TAFA1: variants seen among roughly 807,000 people sequenced by gnomAD.
TAFA1 encodes the protein chemokine-like protein TAFA-1.
In TAFA1, 4 loss-of-function variants were observed where a neutral mutation model predicts 18.5. The ratio of observed to expected loss-of-function variants is 0.22; its 90% confidence interval spans 0.11 to 0.49. The LOEUF (loss-of-function observed/expected upper bound fraction) is 0.49. Among genes scored for constraint, TAFA1 ranks in the 20% least tolerant of loss-of-function variants. The pLI is 0.98. For missense variants in TAFA1, 147 were observed against 169.0 expected, an observed-to-expected ratio of 0.87 and a Z score of 0.72; for synonymous variants, 56 against 55.2, an observed-to-expected ratio of 1.01 and a Z score of -0.06.
At chr3:68,009,110 A>G (rs190997732) in intron 2 of TAFA1, among the ~76,000 whole-genome samples, 1 of 152,338 alleles carries the variant, frequency 6.6e-6, no homozygotes, top group Admixed American at 6.5e-5. Context: ...CACATAGCCA[A>G]GGCAACAACT....
intron 2 of TAFA1, among the ~76,000 whole-genome samples, chr3:68,106,643 G>C (rs1166612781): frequency 6.6e-6 from 1 of 152,094 alleles, no homozygotes; most frequent in East Asian, 1.9e-4. Flanking sequence ...TGTTAAGAAA[G>C]TGAAAAGGCA....
chr3:68,261,848 A>G (rs545316028), intron 2 of TAFA1, among the ~76,000 whole-genome samples: 19 of 152,172 alleles, frequency 1.2e-4, no homozygotes, highest in African/African-American at 4.3e-4. Context: ...GCACACCAAC[A>G]TGGCACACGT....
chr3:68,189,261 T>C (rs973067560), intron 2 of TAFA1, among the ~76,000 whole-genome samples: 2 of 151,952 alleles, frequency 1.3e-5, no homozygotes, highest in Non-Finnish European at 2.9e-5. Flanking sequence ...CTTGGCTGTT[T>C]CCATTCAGTA....
intron 2 of TAFA1, among the ~76,000 whole-genome samples, chr3:68,025,025 C>A (rs1704784870): frequency 6.6e-6 from 1 of 152,082 alleles, no homozygotes; most frequent in Admixed American, 6.6e-5. Context: ...TTGGGGATGA[C>A]TCCTTTCTCT....
intron 2 of TAFA1, among the ~76,000 whole-genome samples, chr3:68,159,029 A>G (rs1453184199): frequency 6.6e-6 from 1 of 152,226 alleles, no homozygotes; most frequent in Non-Finnish European, 1.5e-5. Context: ...CAACCACATT[A>G]CAAGCATTGT....
chr3:68,378,343 C>A, intron 2 of TAFA1, among the ~76,000 whole-genome samples: 1 of 152,188 alleles, frequency 6.6e-6, no homozygotes, highest in East Asian at 1.9e-4. Flanking sequence ...TTAATGACTG[C>A]CCTGCTGGAT....
At chr3:68,037,152 A>G (rs374335297) in intron 2 of TAFA1, among the ~76,000 whole-genome samples, 2 of 152,262 alleles carry the variant, frequency 1.3e-5, no homozygotes, top group Non-Finnish European at 1.5e-5. Context: ...ACTTGTTTCC[A>G]GGCAGAGAAG....
chr3:68,172,227 C>T (rs994083449), intron 2 of TAFA1, among the ~76,000 whole-genome samples: 1 of 152,112 alleles, frequency 6.6e-6, no homozygotes, highest in African/African-American at 2.4e-5. Context: ...TTATCACATG[C>T]AAAGGCTCCC....
chr3:68,061,401 G>A (rs901316932), intron 2 of TAFA1, among the ~76,000 whole-genome samples: 4 of 152,180 alleles, frequency 2.6e-5, no homozygotes, highest in African/African-American at 9.7e-5. Flanking sequence ...GAGAAGTCCT[G>A]AGAAAGGAGA....
At chr3:68,462,405 C>T (rs532993702) in intron 3 of TAFA1, among the ~76,000 whole-genome samples, 58 of 152,142 alleles carry the variant, frequency 3.8e-4, no homozygotes, top group African/African-American at 1.4e-3. Flanking sequence ...AGTTCCTCTG[C>T]ACATGCCCTC....
chr3:68,337,631 C>T (rs1189044386), intron 2 of TAFA1, among the ~76,000 whole-genome samples: 2 of 152,168 alleles, frequency 1.3e-5, no homozygotes, highest in Non-Finnish European at 2.9e-5. Flanking sequence ...CAAAAGCTTC[C>T]TGTGTCCCTG....
intron 2 of TAFA1, among the ~76,000 whole-genome samples, chr3:68,220,669 C>T (rs1194567676): frequency 1.3e-5 from 2 of 152,076 alleles, no homozygotes; most frequent in African/African-American, 4.8e-5. Context: ...TACAAAATGC[C>T]ATCAGGTGTG....
At chr3:68,218,865 T>C (rs1040167661) in intron 2 of TAFA1, among the ~76,000 whole-genome samples, 2 of 152,138 alleles carry the variant, frequency 1.3e-5, no homozygotes, top group East Asian at 3.9e-4. Context: ...TGTTGTTTCT[T>C]TGATAACTTT....
intron 2 of TAFA1, among the ~76,000 whole-genome samples, chr3:68,260,149 C>G (rs1397123541): frequency 1.1e-4 from 17 of 152,058 alleles, no homozygotes; most frequent in African/African-American, 2.7e-4. Context: ...TAGCATGAAG[C>G]GTTGTTGAAT....
chr3:68,240,010 A>G (rs892046944), intron 2 of TAFA1, among the ~76,000 whole-genome samples: 1 of 152,234 alleles, frequency 6.6e-6, no homozygotes, highest in Non-Finnish European at 1.5e-5. Flanking sequence ...AGGTGGTTTT[A>G]CACATAAGGC....
chr3:68,019,850 C>CA (rs1275985289), intron 2 of TAFA1, among the ~76,000 whole-genome samples: 2 of 152,206 alleles, frequency 1.3e-5, no homozygotes, highest in Non-Finnish European at 2.9e-5. Flanking sequence ...TCCTGACACA[C>CA]AGCCCATTCT....
intron 2 of TAFA1, among the ~76,000 whole-genome samples, chr3:68,307,236 T>C (rs995897051): frequency 6.6e-6 from 1 of 152,232 alleles, no homozygotes; most frequent in African/African-American, 2.4e-5. Flanking sequence ...TGAAAAAAGT[T>C]ACTTAGAGTG....
At chr3:68,032,435 A>G (rs918931558) in intron 2 of TAFA1, among the ~76,000 whole-genome samples, 6 of 152,170 alleles carry the variant, frequency 3.9e-5, no homozygotes, top group Non-Finnish European at 8.8e-5. Context: ...ACTCACTCAC[A>G]TATCCAAAAG....
At chr3:68,299,888 G>C (rs957289105) in intron 2 of TAFA1, among the ~76,000 whole-genome samples, 2 of 152,206 alleles carry the variant, frequency 1.3e-5, no homozygotes, top group Admixed American at 1.3e-4. Context: ...GTCAAGAATT[G>C]AGGTTTGGAA....
Sources: gnomAD v4.1 joint callset for allele counts (sites outside exome capture counted in the v4.1 genomes callset) on GRCh38, gnomAD v4.1.1 for gene constraint, MANE v1.5 for transcripts, NCBI Gene and HGNC (gene_info 2026-07-23, HGNC 2026-07-21) for gene names.